CUX2: variants seen among roughly 807,000 people sequenced by gnomAD.
The protein encoded by CUX2 is cut like homeobox 2, also known as homeobox protein cut-like 2.
In CUX2, 40 loss-of-function variants were observed where a neutral mutation model predicts 144.8. That is an observed-to-expected ratio of 0.28 (90% confidence interval 0.21 to 0.36). The LOEUF is 0.36. Among genes scored for constraint, CUX2 ranks in the 10% least tolerant of loss-of-function variants. The pLI, the probability that CUX2 is intolerant of heterozygous loss-of-function variation, is 1.00. For missense variants in CUX2, 1,615 were observed against 1,994.0 expected (o/e 0.81, Z 3.62); for synonymous variants, 827 against 875.6 (o/e 0.94, Z 0.98).
intron 1 of CUX2, among the ~76,000 whole-genome samples, chr12:111,071,302 G>T (rs1871246435): frequency 6.6e-6 from 1 of 152,080 alleles, no homozygotes; most frequent in African/African-American, 2.4e-5. Context: ...CAATGTTCTG[G>T]ATTTTGGCCA....
intron 1 of CUX2, among the ~76,000 whole-genome samples, chr12:111,088,815 G>A (rs1320416598): frequency 6.6e-6 from 1 of 152,180 alleles, no homozygotes; most frequent in Non-Finnish European, 1.5e-5. Context: ...AAGCTCACCT[G>A]TCGTGCATGG....
intron 3 of CUX2, among the ~76,000 whole-genome samples, chr12:111,250,124 G>C (rs1039542090): frequency 6.6e-6 from 1 of 152,124 alleles, no homozygotes. Context: ...AAGAGCTCCT[G>C]GTGGGAGCCC....
At chr12:111,044,423 C>T (rs760409624) in intron 1 of CUX2, among the ~76,000 whole-genome samples, 12 of 152,020 alleles carry the variant, frequency 7.9e-5, no homozygotes, top group Non-Finnish European at 1.6e-4. Context: ...CTGTGGCCTC[C>T]TTGCTGTGCC....
intron 1 of CUX2, among the ~76,000 whole-genome samples, chr12:111,055,175 C>T (rs1382091768): frequency 2.0e-5 from 3 of 152,214 alleles, no homozygotes; most frequent in Non-Finnish European, 4.4e-5. Flanking sequence ...AGATTGGCCT[C>T]ATAAAGGTCT....
chr12:111,079,236 G>T (rs1413491622), intron 1 of CUX2, among the ~76,000 whole-genome samples: 2 of 152,220 alleles, frequency 1.3e-5, no homozygotes, highest in Non-Finnish European at 2.9e-5. Flanking sequence ...TACCAAAAGT[G>T]GTTGCCCCTG....
intron 4 of CUX2, among the ~76,000 whole-genome samples, chr12:111,290,865 A>G (rs1592924329): frequency 1.5e-5 from 2 of 130,272 alleles, no homozygotes; most frequent in Non-Finnish European, 1.6e-5. Context: ...CACTCAGCCA[A>G]CCTTTTTTTT....
chr12:111,300,251 G>T lies in CUX2; in HGVS notation c.753+1662G>T, dbSNP rs1406339207. 2.0e-5 allele frequency among the ~76,000 whole-genome samples: 3 copies of T among 152,080 alleles called. No homozygotes were observed. The East Asian group carries it at 5.8e-4, about 29-fold the overall frequency. The stretch of plus-strand genomic sequence containing the variant: ...TCCTCCTGCCTCAGTCCCCCAAGTA[G>T]CTGGGACTACAGGCACGCACCACCA... On this transcript the variant is annotated intron_variant, in intron 9 of 21. Coordinates refer to ENST00000261726, the MANE Select transcript of CUX2 (RefSeq NM_015267.4).
chr12:111,232,989 G>C (rs952002541), intron 3 of CUX2, among the ~76,000 whole-genome samples: 1 of 152,180 alleles, frequency 6.6e-6, no homozygotes, highest in African/African-American at 2.4e-5. Context: ...GGCTATGAGA[G>C]CATCCTGGGA....
chr12:111,252,590 G>A (rs191266761), intron 3 of CUX2, among the ~76,000 whole-genome samples: 1 of 152,226 alleles, frequency 6.6e-6, no homozygotes, highest in Admixed American at 6.5e-5. Flanking sequence ...GGAAGCCTCG[G>A]GGTTTTAGGT....
chr12:111,266,886 T>G (rs1413650392), intron 4 of CUX2, among the ~76,000 whole-genome samples: 3 of 152,198 alleles, frequency 2.0e-5, no homozygotes, highest in African/African-American at 7.2e-5. Flanking sequence ...CAGCCTCACC[T>G]GCAAGCTGGT....
intron 3 of CUX2, among the ~76,000 whole-genome samples, chr12:111,232,775 TTATTCATTCACA>T (rs1882544279): frequency 6.6e-6 from 1 of 152,202 alleles, no homozygotes; most frequent in Admixed American, 6.5e-5. Context: ...TTTAATCACC[TTATTCATTCACA>T]TATTCATTCA....
At chr12:111,097,974 T>G (rs1159564550) in intron 1 of CUX2, among the ~76,000 whole-genome samples, 1 of 151,966 alleles carries the variant, frequency 6.6e-6, no homozygotes, top group South Asian at 2.1e-4. Context: ...AGAGTAAGGA[T>G]TTGGGGAGTT....
At chr12:111,101,708 C>T (rs1243447678) in intron 1 of CUX2, among the ~76,000 whole-genome samples, 2 of 152,204 alleles carry the variant, frequency 1.3e-5, no homozygotes, top group African/African-American at 4.8e-5. Context: ...CCTTAGTCTT[C>T]CCACCTGTAA....
chr12:111,181,284 A>C (rs1236948896), intron 1 of CUX2, among the ~76,000 whole-genome samples: 1 of 152,170 alleles, frequency 6.6e-6, no homozygotes, highest in Non-Finnish European at 1.5e-5. Flanking sequence ...GCTGGGCAGG[A>C]GGCCCCTCTC....
chr12:111,100,310 G>A (rs1873142525), intron 1 of CUX2, among the ~76,000 whole-genome samples: 2 of 152,132 alleles, frequency 1.3e-5, no homozygotes, highest in Admixed American at 6.5e-5. Context: ...CTCTCCGTGT[G>A]TCTTTCTCTG....
intron 1 of CUX2, among the ~76,000 whole-genome samples, chr12:111,188,759 A>C (rs1200360208): frequency 6.6e-6 from 1 of 152,008 alleles, no homozygotes; most frequent in Non-Finnish European, 1.5e-5. Context: ...TTGTCACGGC[A>C]GGTTTTAGGC....
At chr12:111,134,620 C>CTCTCTCTGTG (rs1026548098) in intron 1 of CUX2, among the ~76,000 whole-genome samples, 18 of 142,128 alleles carry the variant, frequency 1.3e-4, no homozygotes, top group African/African-American at 4.7e-4. Context: ...CTCTCTCTCT[C>CTCTCTCTGTG]TGTGTGTGTG....
intron 1 of CUX2, among the ~76,000 whole-genome samples, chr12:111,072,545 A>G (rs2136031772): frequency 6.6e-6 from 1 of 152,346 alleles, no homozygotes; most frequent in South Asian, 2.1e-4. Flanking sequence ...GAGCTTAGGG[A>G]CAGGCAAGTA....
At chr12:111,218,508 C>T (rs1881675261) in intron 3 of CUX2, among the ~76,000 whole-genome samples, 1 of 151,976 alleles carries the variant, frequency 6.6e-6, no homozygotes, top group Non-Finnish European at 1.5e-5. Flanking sequence ...AGAGCGAGAC[C>T]CTGTCTCTAA....
Sources: gnomAD v4.1 joint callset for allele counts (sites outside exome capture counted in the v4.1 genomes callset) on GRCh38, gnomAD v4.1.1 for gene constraint, MANE v1.5 for transcripts, NCBI Gene and HGNC (gene_info 2026-07-23, HGNC 2026-07-21) for gene names.